Variants in TVP23C observed in about 807,000 individuals in gnomAD.
TVP23C encodes the protein trans-golgi network vesicle protein 23 homolog C, also known as Golgi apparatus membrane protein TVP23 homolog C.
A neutral mutation model predicts 28.7 loss-of-function variants in TVP23C; 19 were observed. That is an observed-to-expected ratio of 0.66 (90% CI 0.46 to 0.97). The LOEUF (loss-of-function observed/expected upper bound fraction) is 0.97, where lower values mean the gene tolerates loss of function less well. Among genes scored for constraint, TVP23C ranks in the 50% least tolerant of loss-of-function variants. The probability of loss-of-function intolerance (pLI) is 0.00; values close to 1 mark genes in which losing one functional copy is unlikely to be tolerated. For synonymous variants in TVP23C, 68 were observed against 81.7 expected, an observed-to-expected ratio of 0.83 and a Z score of 0.90; for missense variants, 186 against 241.3, an observed-to-expected ratio of 0.77 and a Z score of 1.52.
intron 5 of TVP23C, among the ~76,000 whole-genome samples, chr17:15,525,894 C>T (rs924886040): frequency 2.0e-4 from 31 of 152,312 alleles, no homozygotes; most frequent in Admixed American, 8.5e-4. Flanking sequence ...TTCTCTAACC[C>T]TCAGTTTCCT....
At position 15,557,483 on chromosome 17, in the gene TVP23C, G is replaced by A. The variant is rs561856502; in HGVS notation, c.13-2119C>T. Among the ~76,000 whole-genome samples the A allele has an allele frequency of 3.4e-4, 51 of 148,460 alleles. 6 individuals carry two copies. Among genetic ancestry groups the A allele is most frequent in the South Asian group, 2.2e-4 (1 of 4,524 alleles). On this transcript the variant is annotated intron_variant, in intron 1 of 5. Coordinates refer to ENST00000518321, the MANE Select transcript of TVP23C (RefSeq NM_001135036.2). ...CTGGCTAATTTTTGTAATTTTAGAA[G>A]AGACAGAGTCTCACCACGTTGGCCA...
chr17:15,525,324 G>C (rs2150838600), intron 5 of TVP23C, among the ~76,000 whole-genome samples: 1 of 152,324 alleles, frequency 6.6e-6, no homozygotes, highest in East Asian at 1.9e-4. Context: ...AGCGTGTGAT[G>C]GTTAATTTTT....
intron 1 of TVP23C, among the ~76,000 whole-genome samples, chr17:15,556,064 G>A (rs1312257953): frequency 6.6e-6 from 1 of 152,076 alleles, no homozygotes; most frequent in Non-Finnish European, 1.5e-5. Context: ...TTACAGGCGT[G>A]TGCCACCACA....
In TVP23C at chr17:15,555,294, T is replaced by A; in HGVS notation, c.83A>T (p.Lys28Ile). Residue 28 changes from lysine to isoleucine, a missense_variant, in exon 2 of 6, where the codon AAA (lysine) becomes ATA (isoleucine). Transcript: ENST00000518321. ...AEEETTNRPR[K>I]AKIRHPVASF... Reference sequence around the variant, plus strand: ...CTTCTCCTCCTACCTGATTTTGGCTTTTCTTGGTCTATTAGTCGTCTCCTC... The same window carrying A: ...CTTCTCCTCCTACCTGATTTTGGCTATTCTTGGTCTATTAGTCGTCTCCTC... 1 of 1,613,974 alleles carries A rather than the reference T, an allele frequency of 6.2e-7. No individual in the cohort carries two copies. Among genetic ancestry groups the A allele is most frequent in the Non-Finnish European group, 8.5e-7 (1 of 1,179,862 alleles).
downstream of TVP23C, among the ~76,000 whole-genome samples, chr17:15,533,078 C>T (rs1484012441): frequency 2.0e-5 from 3 of 152,232 alleles, no homozygotes; most frequent in African/African-American, 7.2e-5. Flanking sequence ...ATGGTTTTCG[C>T]CCCTTCAGGC....
chr17:15,520,804 A>G (rs1428941997), intron 5 of TVP23C, among the ~76,000 whole-genome samples: 7 of 152,216 alleles, frequency 4.6e-5, no homozygotes, highest in Non-Finnish European at 1.0e-4. Context: ...TAACGCATAA[A>G]AAAACATGAA....
chr17:15,539,224 A>G lies in TVP23C; in HGVS notation c.*1188T>C. The G allele has an allele frequency of 1.0e-6, 1 of 982,032 alleles. No homozygotes were observed. The highest frequency in any genetic ancestry group is 1.2e-6 in the Non-Finnish European group (1 of 826,892). 60.8% of individuals were successfully genotyped at this position (982,032 alleles called of 1,614,324 possible). On this transcript the variant is annotated 3_prime_UTR_variant, in exon 6 of 6. Coordinates refer to ENST00000518321, the MANE Select transcript of TVP23C (RefSeq NM_001135036.2). ...ATCTTGTGCCCTCTAGGTGATTCTCATGTATGTTCGAGTTTAAGAATCCCT... is the reference window on the plus strand; with the variant it reads ...ATCTTGTGCCCTCTAGGTGATTCTCGTGTATGTTCGAGTTTAAGAATCCCT...
chr17:15,558,773 T>G (rs1984245860), intron 1 of TVP23C, among the ~76,000 whole-genome samples: 1 of 148,860 alleles, frequency 6.7e-6, no homozygotes, highest in African/African-American at 2.4e-5. Context: ...TCTGGACTTC[T>G]GACCACCAGA....
intron 5 of TVP23C, among the ~76,000 whole-genome samples, chr17:15,514,881 A>G (rs757629286): frequency 2.0e-5 from 3 of 152,164 alleles, no homozygotes; most frequent in Non-Finnish European, 2.9e-5. Flanking sequence ...TCTCTGGAGG[A>G]TGAGACAACA....
In TVP23C at chr17:15,538,136, C is replaced by T; in HGVS notation, c.*2276G>A. The T allele has an allele frequency of 6.2e-7, 1 of 1,613,828 alleles. No homozygotes were observed. Among genetic ancestry groups the T allele is most frequent in the East Asian group, 2.2e-5 (1 of 44,884 alleles). ...CATAAGCTTTCTCTATTCAGGAAGTCTGATCATCTCCAGTGTTCCGCAAAA... is the reference window on the plus strand; with the variant it reads ...CATAAGCTTTCTCTATTCAGGAAGTTTGATCATCTCCAGTGTTCCGCAAAA... On this transcript the variant is annotated 3_prime_UTR_variant, in exon 6 of 6. Transcript: ENST00000518321.
At chr17:15,508,426 C>T (rs938726455) in intron 5 of TVP23C, among the ~76,000 whole-genome samples, 1 of 152,188 alleles carries the variant, frequency 6.6e-6, no homozygotes, top group Non-Finnish European at 1.5e-5. Context: ...TGTAACTGCC[C>T]GGCCAAAATG....
downstream of TVP23C, among the ~76,000 whole-genome samples, chr17:15,532,740 T>C (rs1982999073): frequency 1.3e-5 from 2 of 152,218 alleles, no homozygotes; most frequent in African/African-American, 2.4e-5. Context: ...TGTTTCTCTA[T>C]GATTTTTTTA....
rs1982776101 is a variant in TVP23C, at chr17:15,527,486, G to A, written c.462+18299C>T. 7.2e-5 allele frequency among the ~76,000 whole-genome samples: 11 copies of A among 152,128 alleles called. 1 individual carries two copies. In the South Asian group the frequency reaches 2.3e-3, roughly 32 times the overall value. ...CACTTAACTAGGGGTTAGCTCTCCTGACTGCTGCAACTTTAGCTTAGCAAT... is the reference window on the plus strand; with the variant it reads ...CACTTAACTAGGGGTTAGCTCTCCTAACTGCTGCAACTTTAGCTTAGCAAT... On this transcript the variant is annotated intron_variant, in intron 5 of 5. Coordinates refer to the TVP23C transcript ENST00000225576.
chr17:15,561,321 G>A (rs1407647315), intron 1 of TVP23C, among the ~76,000 whole-genome samples: 3 of 152,178 alleles, frequency 2.0e-5, no homozygotes, highest in South Asian at 2.1e-4. Flanking sequence ...ACAGTCGGCC[G>A]GGCCTGGCGG....
chr17:15,553,865 C>T, intron 2 of TVP23C, 36 bp from the exon 3 acceptor site: 4 of 1,612,794 alleles, frequency 2.5e-6, no homozygotes, highest in Non-Finnish European at 3.4e-6. Flanking sequence ...AATGCAATTA[C>T]ATTTTACTAC....
intron 5 of TVP23C, among the ~76,000 whole-genome samples, chr17:15,507,905 G>A (rs1233538669): frequency 8.5e-5 from 13 of 152,120 alleles, no homozygotes; most frequent in Admixed American, 2.6e-4. Context: ...TGCCTCCATC[G>A]TATCTGTAAA....
At chr17:15,518,038 C>T (rs1039635870) in intron 5 of TVP23C, among the ~76,000 whole-genome samples, 1 of 151,830 alleles carries the variant, frequency 6.6e-6, no homozygotes, top group Non-Finnish European at 1.5e-5. Context: ...CGTGGTGGCA[C>T]GCGCCTGTAG....
downstream of TVP23C, among the ~76,000 whole-genome samples, chr17:15,533,393 G>C (rs1983025621): frequency 1.3e-5 from 2 of 152,176 alleles, no homozygotes; most frequent in Admixed American, 6.5e-5. Context: ...GAACTCAAAT[G>C]CCATGAGCAA....
At chr17:15,535,822 G>A (rs1343176417), downstream of TVP23C, among the ~76,000 whole-genome samples, 1 of 152,218 alleles carries the variant, frequency 6.6e-6, no homozygotes, top group Non-Finnish European at 1.5e-5. Context: ...CAAGAATCCA[G>A]TTAGGCTATG....
Sources: allele counts gnomAD v4.1 joint callset (sites outside exome capture counted in the v4.1 genomes callset), GRCh38; gene constraint gnomAD v4.1.1; transcripts MANE v1.5; gene names NCBI Gene and HGNC (gene_info 2026-07-23, HGNC 2026-07-21).